Variants in TMEM132C observed in about 807,000 individuals in gnomAD.
The protein encoded by TMEM132C is protein phosphatase 1, regulatory subunit 152.
Under a neutral mutation model 61.4 loss-of-function variants are expected in TMEM132C, and 29 were observed. That is an observed-to-expected ratio of 0.47 (90% CI 0.35 to 0.64). TMEM132C has a LOEUF of 0.64. Ranked by LOEUF, TMEM132C falls within the 30% of genes least tolerant of loss-of-function variation. The pLI, the probability that TMEM132C is intolerant of heterozygous loss-of-function variation, is 0.00. For missense variants in TMEM132C, 1,408 were observed against 1,476.9 expected (o/e 0.95, Z 0.76); for synonymous variants, 656 against 633.1 (o/e 1.04, Z -0.54).
At chr12:128,697,072 G>A (rs767498836) in intron 7 of TMEM132C, among the ~76,000 whole-genome samples, 152 bp from the exon 8 acceptor site, 1 of 152,186 alleles carries the variant, frequency 6.6e-6, no homozygotes, top group Non-Finnish European at 1.5e-5. Context: ...GGCATGGGAT[G>A]GGCCAGCATA....
intron 2 of TMEM132C, among the ~76,000 whole-genome samples, chr12:128,497,120 A>G (rs1414651406): frequency 6.6e-6 from 1 of 152,216 alleles, no homozygotes; most frequent in Non-Finnish European, 1.5e-5. Context: ...TTGCCTGGGT[A>G]TCAGCAGTGG....
chr12:128,292,948 A>T (rs11059628), intron 1 of TMEM132C, among the ~76,000 whole-genome samples: 1 of 138,376 alleles, frequency 7.2e-6, no homozygotes, highest in African/African-American at 2.5e-5. Context: ...TGGTGTAGGT[A>T]TGTGTATGTG....
At chr12:128,508,278 C>T (rs191108484) in intron 2 of TMEM132C, among the ~76,000 whole-genome samples, 302 of 152,222 alleles carry the variant, frequency 2.0e-3, no homozygotes, top group Non-Finnish European at 3.8e-3. Flanking sequence ...TGGGGGAAAC[C>T]GCCTCCGTGA....
At chr12:128,623,401 TTAAAGTA>T (rs1953985853) in intron 4 of TMEM132C, among the ~76,000 whole-genome samples, 2 of 151,002 alleles carry the variant, frequency 1.3e-5, no homozygotes, top group South Asian at 4.2e-4. Flanking sequence ...ACCCTAGAAC[TTAAAGTA>T]TAAAGTATAA....
intron 1 of TMEM132C, among the ~76,000 whole-genome samples, chr12:128,280,639 CT>C (rs1290933953): frequency 6.6e-6 from 1 of 152,124 alleles, no homozygotes; most frequent in Non-Finnish European, 1.5e-5. Context: ...GTGACTTGAT[CT>C]GGGTATTCAA....
intron 3 of TMEM132C, among the ~76,000 whole-genome samples, chr12:128,567,530 G>A (rs868520931): frequency 1.7e-4 from 26 of 152,120 alleles, no homozygotes; most frequent in Middle Eastern, 6.8e-3. Context: ...TTCACAGTGA[G>A]TATGTATATC....
chr12:128,392,052 GTCTCTCTCTCTTTCTCTC>G (rs1417001208), intron 1 of TMEM132C, among the ~76,000 whole-genome samples: 113 of 125,634 alleles, frequency 9.0e-4, no homozygotes, highest in African/African-American at 2.8e-3. Context: ...CTCTGTCTCT[GTCTCTCTCTCTTTCTCTC>G]TCTCTCTCTC....
chr12:128,512,074 C>T lies in TMEM132C; in HGVS notation c.975-31883C>T, dbSNP rs4882698. ...CTGTCGGCCACAGGCACTTTCCTAC[C>T]GCACTGCCAGTTTTTTTTTTCTTTT... is the stretch of plus-strand genomic sequence containing the variant. On this transcript the variant is annotated intron_variant, in intron 2 of 8. Transcript: ENST00000435159. 6.6e-4 allele frequency among the ~76,000 whole-genome samples: 101 copies of T among 152,292 alleles called. 1 individual carries two copies. Among genetic ancestry groups the T allele is most frequent in the African/African-American group, 2.2e-3 (90 of 41,566 alleles).
chr12:128,346,326 T>C (rs528987122), intron 1 of TMEM132C, among the ~76,000 whole-genome samples: 1 of 152,336 alleles, frequency 6.6e-6, no homozygotes, highest in East Asian at 1.9e-4. Context: ...TACTTTGAAG[T>C]CGGGTAATGG....
intron 3 of TMEM132C, among the ~76,000 whole-genome samples, chr12:128,554,608 C>T (rs1265083395): frequency 6.6e-6 from 1 of 152,178 alleles, no homozygotes; most frequent in African/African-American, 2.4e-5. Flanking sequence ...AGGTTGATTG[C>T]CTGTATTGTC....
At chr12:128,300,981 C>T (rs903785179) in intron 1 of TMEM132C, among the ~76,000 whole-genome samples, 1 of 152,128 alleles carries the variant, frequency 6.6e-6, no homozygotes, top group African/African-American at 2.4e-5. Flanking sequence ...TTTGAGGCTA[C>T]AGTGAGCTAG....
intron 2 of TMEM132C, among the ~76,000 whole-genome samples, chr12:128,529,170 A>G (rs1403092444): frequency 6.6e-6 from 1 of 151,636 alleles, no homozygotes; most frequent in Non-Finnish European, 1.5e-5. Flanking sequence ...TAATTAGTAT[A>G]ATTAAAAGGC....
chr12:128,284,836 G>C (rs942794910), intron 1 of TMEM132C, among the ~76,000 whole-genome samples: 1 of 152,140 alleles, frequency 6.6e-6, no homozygotes, highest in African/African-American at 2.4e-5. Flanking sequence ...TCATAGAATA[G>C]AAGTAAAGAG....
At chr12:128,366,143 C>T (rs1873861245) in intron 1 of TMEM132C, among the ~76,000 whole-genome samples, 1 of 152,196 alleles carries the variant, frequency 6.6e-6, no homozygotes, top group Non-Finnish European at 1.5e-5. Flanking sequence ...CGGCCTCCAG[C>T]CCAGGGCCGG....
At chr12:128,267,588 C>A in intron 1 of TMEM132C, 101 bp downstream of exon 1, 1 of 962,884 alleles carries the variant, frequency 1.0e-6, no homozygotes, top group Non-Finnish European at 1.3e-6. Flanking sequence ...GCGGCGGGGG[C>A]CTCGGCGGGG....
intron 8 of TMEM132C, among the ~76,000 whole-genome samples, chr12:128,703,824 A>C (rs546183960): frequency 6.6e-6 from 1 of 152,354 alleles, no homozygotes; most frequent in Non-Finnish European, 1.5e-5. Flanking sequence ...GTTCTGTAAT[A>C]ACTGCGAACA....
At chr12:128,470,954 T>C (rs1330312961) in intron 2 of TMEM132C, among the ~76,000 whole-genome samples, 4 of 152,218 alleles carry the variant, frequency 2.6e-5, no homozygotes, top group Non-Finnish European at 4.4e-5. Flanking sequence ...GCATGTTTTC[T>C]GTACTTTCAC....
At chr12:128,312,687 C>T (rs909427718) in intron 1 of TMEM132C, among the ~76,000 whole-genome samples, 5 of 152,168 alleles carry the variant, frequency 3.3e-5, no homozygotes, top group Admixed American at 2.0e-4. Context: ...GAAACAGACT[C>T]GCCCTGAGAG....
chr12:128,503,352 A>G (rs1343854241), intron 2 of TMEM132C, among the ~76,000 whole-genome samples: 2 of 151,786 alleles, frequency 1.3e-5, no homozygotes, highest in Non-Finnish European at 2.9e-5. Context: ...CGAGGAGCCG[A>G]GGTTTCTGGT....
Sources: gnomAD v4.1 joint callset for allele counts (sites outside exome capture counted in the v4.1 genomes callset) on GRCh38, gnomAD v4.1.1 for gene constraint, MANE v1.5 for transcripts, NCBI Gene and HGNC (gene_info 2026-07-23, HGNC 2026-07-21) for gene names.